Variants in ZC3H3 observed in about 807,000 individuals in gnomAD.
The protein encoded by ZC3H3 is zinc finger CCCH domain-containing protein 3.
ZC3H3 carries 36 observed loss-of-function variants against 77.3 expected under a neutral mutation model. The observed-to-expected ratio is 0.47, with a 90% CI of 0.36 to 0.61. The LOEUF is 0.61. ZC3H3 is among the 20% of genes least tolerant of loss of function. The pLI, the probability that ZC3H3 is intolerant of heterozygous loss-of-function variation, is 0.00. For synonymous variants in ZC3H3, 626 were observed against 555.2 expected (o/e 1.13, Z -1.79); for missense variants, 1,331 against 1,312.2 (o/e 1.01, Z -0.22).
intron 3 of ZC3H3, among the ~76,000 whole-genome samples, chr8:143,522,339 A>T (rs1822273502): frequency 6.6e-6 from 1 of 152,232 alleles, no homozygotes; most frequent in Non-Finnish European, 1.5e-5. Flanking sequence ...ACAGTGGCTC[A>T]CGCCTGTAAT....
intron 10 of ZC3H3, 141 bp from the exon 11 acceptor site, chr8:143,440,504 T>C: frequency 1.4e-6 from 2 of 1,397,182 alleles, no homozygotes; most frequent in Non-Finnish European, 1.9e-6. Flanking sequence ...AGGTCAGGCC[T>C]GGCCCTTGGC....
At chr8:143,506,469 G>GATAGA (rs1821699965) in intron 4 of ZC3H3, among the ~76,000 whole-genome samples, 1 of 152,176 alleles carries the variant, frequency 6.6e-6, no homozygotes, top group Non-Finnish European at 1.5e-5. Flanking sequence ...ATGCTCACCA[G>GATAGA]ATAGAAGAAC....
chr8:143,438,820 C>T (rs1031741358), intron 11 of ZC3H3, among the ~76,000 whole-genome samples: 8 of 152,338 alleles, frequency 5.3e-5, no homozygotes, highest in Non-Finnish European at 8.8e-5. Context: ...CCGATGAGCC[C>T]GCTCACCCAT....
At chr8:143,471,860 G>A (rs937427539) in intron 5 of ZC3H3, among the ~76,000 whole-genome samples, 3 of 152,244 alleles carry the variant, frequency 2.0e-5, no homozygotes, top group African/African-American at 7.2e-5. Context: ...CTCTTAAGTG[G>A]GCTGGTCAGC....
chr8:143,465,937 CGA>C, intron 8 of ZC3H3, 89 bp from the exon 9 acceptor site: 2 of 1,489,616 alleles, frequency 1.3e-6, no homozygotes, highest in Non-Finnish European at 8.9e-7. Context: ...CGGCCCCGCC[CGA>C]GAGAGAAATG....
chr8:143,473,135 T>C (rs1470881515), intron 5 of ZC3H3, among the ~76,000 whole-genome samples: 1 of 152,178 alleles, frequency 6.6e-6, no homozygotes, highest in Non-Finnish European at 1.5e-5. Flanking sequence ...AGTACTACTA[T>C]CGTGACTACC....
intron 7 of ZC3H3, 44 bp from the exon 8 acceptor site, chr8:143,468,322 A>G: frequency 6.2e-7 from 1 of 1,611,986 alleles, no homozygotes; most frequent in Non-Finnish European, 8.5e-7. Context: ...GCCGGCAGGG[A>G]CCAAGGGCAG....
chr8:143,532,692 G>C (rs773333596), intron 3 of ZC3H3, among the ~76,000 whole-genome samples: 5 of 152,252 alleles, frequency 3.3e-5, no homozygotes, highest in Non-Finnish European at 5.9e-5. Flanking sequence ...CTGCCCAGAA[G>C]CCCACTGGCC....
chr8:143,515,636 C>T (rs10099676), intron 3 of ZC3H3, among the ~76,000 whole-genome samples: 49,367 of 152,134 alleles, frequency 0.32, 8,603 homozygotes, highest in East Asian at 0.56. Context: ...CTCTGCCCCT[C>T]CTGGCCACCA....
chr8:143,448,163 A>G (rs1003243338), intron 9 of ZC3H3, among the ~76,000 whole-genome samples: 3 of 151,978 alleles, frequency 2.0e-5, no homozygotes, highest in Non-Finnish European at 2.9e-5. Flanking sequence ...AAAATTAGCC[A>G]GGCGTGGTGG....
intron 5 of ZC3H3, among the ~76,000 whole-genome samples, chr8:143,470,899 C>T (rs1273006842): frequency 6.6e-6 from 1 of 152,228 alleles, no homozygotes; most frequent in African/African-American, 2.4e-5. Context: ...CAGAAGGCGC[C>T]ATGCATTCCA....
At chr8:143,448,817 A>C (rs1819921822) in intron 9 of ZC3H3, among the ~76,000 whole-genome samples, 1 of 152,240 alleles carries the variant, frequency 6.6e-6, no homozygotes, top group Non-Finnish European at 1.5e-5. Flanking sequence ...GTTCTCTATG[A>C]GGGCTTGACC....
intron 1 of ZC3H3, 123 bp downstream of exon 1, chr8:143,541,253 C>T (rs1362482581): frequency 6.5e-7 from 1 of 1,534,332 alleles, no homozygotes; most frequent in East Asian, 2.4e-5. Context: ...CTACCGTCCC[C>T]CACCCCAGCC....
intron 9 of ZC3H3, among the ~76,000 whole-genome samples, chr8:143,455,801 C>A (rs559027295): frequency 9.7e-4 from 146 of 151,182 alleles, no homozygotes; most frequent in African/African-American, 3.2e-3. Flanking sequence ...GGTGAAACCC[C>A]GTCTCTATTA....
chr8:143,540,562 T>C (rs75013835), intron 1 of ZC3H3, among the ~76,000 whole-genome samples: 2,805 of 152,250 alleles, frequency 0.018, 78 homozygotes, highest in African/African-American at 0.064. Context: ...GAAAGACCAA[T>C]TTGGGTTTTT....
chr8:143,539,365 C>T (rs1563892243), intron 1 of ZC3H3, 45 bp from the exon 2 acceptor site: 5 of 1,523,490 alleles, frequency 3.3e-6, no homozygotes, highest in Non-Finnish European at 3.5e-6. Flanking sequence ...AGGGTAACCG[C>T]GATAATCATG....
chr8:143,498,197 C>G (rs1821409902), intron 4 of ZC3H3, among the ~76,000 whole-genome samples: 1 of 152,228 alleles, frequency 6.6e-6, no homozygotes, highest in African/African-American at 2.4e-5. Flanking sequence ...AGCCAGACCT[C>G]AGCCTGAGTG....
chr8:143,505,148 C>T (rs377214643), intron 4 of ZC3H3, among the ~76,000 whole-genome samples: 2 of 152,216 alleles, frequency 1.3e-5, no homozygotes, highest in African/African-American at 2.4e-5. Context: ...GGGGCTTGCC[C>T]GCCAGCCCCT....
At chr8:143,447,645 G>A (rs1819892551) in intron 9 of ZC3H3, among the ~76,000 whole-genome samples, 2 of 152,250 alleles carry the variant, frequency 1.3e-5, no homozygotes, top group African/African-American at 4.8e-5. Flanking sequence ...AGGAAGCATG[G>A]CAGCATCTGC....
Sources: gnomAD v4.1 joint callset for allele counts (sites outside exome capture counted in the v4.1 genomes callset) on GRCh38, gnomAD v4.1.1 for gene constraint, MANE v1.5 for transcripts, NCBI Gene and HGNC (gene_info 2026-07-23, HGNC 2026-07-21) for gene names.